Variants in SLC30A6 observed in about 807,000 individuals in gnomAD.
SLC30A6 encodes zinc transporter 6.
In SLC30A6, 55 loss-of-function variants were observed where a neutral mutation model predicts 63.0. The ratio of observed to expected loss-of-function variants is 0.87; its 90% CI spans 0.70 to 1.09. The LOEUF (loss-of-function observed/expected upper bound fraction) is 1.09. SLC30A6 is among the 50% of genes least tolerant of loss of function. SLC30A6 has a pLI of 0.00. For missense variants in SLC30A6, 587 were observed against 549.2 expected (o/e 1.07, Z -0.69); for synonymous variants, 224 against 186.1 (o/e 1.20, Z -1.66).
chr2:32,187,126 G>A (rs1682904514), intron 5 of SLC30A6: 1 of 469,630 alleles, frequency 2.1e-6, no homozygotes, highest in African/African-American at 2.0e-5. Flanking sequence ...GACCACTGAG[G>A]ACATTGTCAT....
chr2:32,202,613 G>T, intron 10 of SLC30A6: 1 of 480,232 alleles, frequency 2.1e-6, no homozygotes. Flanking sequence ...TTGCAGGCGT[G>T]AACCACTGTG....
At chr2:32,214,491 C>G (rs936571182) in intron 13 of SLC30A6, 2 of 152,056 alleles carry the variant, frequency 1.3e-5, no homozygotes, top group African/African-American at 4.8e-5. Flanking sequence ...TGCATGTCAT[C>G]TTTGCACAGA....
chr2:32,219,241 T>G (rs1685959604), intron 13 of SLC30A6, among the ~76,000 whole-genome samples: 1 of 150,384 alleles, frequency 6.6e-6, no homozygotes, highest in Non-Finnish European at 1.5e-5. Flanking sequence ...ACCATGTTGG[T>G]CAGGCTGGTC....
At chr2:32,187,415 TATAG>T (rs1345546139) in intron 5 of SLC30A6, 24 of 363,632 alleles carry the variant, frequency 6.6e-5, no homozygotes, top group Admixed American at 2.5e-4. Flanking sequence ...CATCAGTCTT[TATAG>T]ATCAGTTACT....
chr2:32,189,676 A>G (rs1327092538), intron 5 of SLC30A6, among the ~76,000 whole-genome samples: 1 of 129,442 alleles, frequency 7.7e-6, no homozygotes, highest in Admixed American at 9.5e-5. Flanking sequence ...TGGCATGATC[A>G]TAGCTCATTG....
At position 32,221,697 on chromosome 2, in the gene SLC30A6, T is replaced by C. The variant is rs1318983854; in HGVS notation, c.*984T>C. ...TTGAATTTTTAATTATCAAGATTTT[T>C]GTTAAAGTTTCTCTCCTTTAAAAAT... On this transcript the variant is annotated 3_prime_UTR_variant, in exon 14 of 14. Coordinates refer to ENST00000282587, the MANE Select transcript of SLC30A6 (RefSeq NM_017964.5). The C allele has an allele frequency of 6.6e-6, 1 of 152,216 alleles. No individual in the cohort carries two copies. Among genetic ancestry groups the C allele is most frequent in the Non-Finnish European group, 1.5e-5 (1 of 68,030 alleles). The allele number at this position is 152,216 out of a possible 1,614,324, so 9.4% of individuals were successfully genotyped here. A position where few individuals can be genotyped will look rare whatever the true frequency, so the allele number is the denominator to read the frequency against.
chr2:32,175,430 A>G, intron 4 of SLC30A6, 69 bp downstream of exon 4: 2 of 1,365,166 alleles, frequency 1.5e-6, no homozygotes, highest in Non-Finnish European at 2.0e-6. Flanking sequence ...GTATAGCCAT[A>G]CAATTCAGCA....
Position 32,196,069 on chromosome 2 carries a change from GT to G in SLC30A6, c.497-1272del, listed in dbSNP as rs1222054139. Among the ~76,000 whole-genome samples, 11 of 152,208 alleles carry G rather than the reference GT, an allele frequency of 7.2e-5. No individual in the cohort carries two copies. In the East Asian group the frequency reaches 1.9e-3, roughly 27 times the overall value. ...GTGGCTCACACCTGTAATCCCAGCA[GT>G]TTGGGAGACCAAGTCAGGCGGATCA... On this transcript the variant is annotated intron_variant, in intron 8 of 13. Coordinates refer to ENST00000282587, the MANE Select transcript of SLC30A6 (RefSeq NM_017964.5).
intron 1 of SLC30A6, among the ~76,000 whole-genome samples, chr2:32,166,442 T>C (rs1017251652): frequency 1.9e-4 from 29 of 152,238 alleles, no homozygotes; most frequent in African/African-American, 6.5e-4. Context: ...AAGGTGTTGG[T>C]AGGACATTTT....
chr2:32,216,108 G>A (rs1471491317), intron 13 of SLC30A6, among the ~76,000 whole-genome samples: 1 of 152,156 alleles, frequency 6.6e-6, no homozygotes, highest in Non-Finnish European at 1.5e-5. Flanking sequence ...TGGTAGTTCT[G>A]TTTTAAGTTC....
At position 32,222,818 on chromosome 2, in the gene SLC30A6, GA is replaced by G. The variant is rs1209576514; in HGVS notation, c.*2108del. ...CTAAATATGAATTAGGGTCATGCAT[GA>G]AATCTGAACTGCCGTGTCCTGAGTT... On this transcript the variant is annotated 3_prime_UTR_variant, in exon 14 of 14. Coordinates refer to ENST00000282587, the MANE Select transcript of SLC30A6 (RefSeq NM_017964.5). 1 of 152,248 alleles carries G rather than the reference GA, an allele frequency of 6.6e-6. No individual in the cohort carries two copies. Among genetic ancestry groups the G allele is most frequent in the Non-Finnish European group, 1.5e-5 (1 of 68,082 alleles). 9.4% of individuals were successfully genotyped at this position (152,248 alleles called of 1,614,324 possible). A position where few individuals can be genotyped will look rare whatever the true frequency, so the allele number is the denominator to read the frequency against.
At chr2:32,202,606 C>G (rs1684396120) in intron 10 of SLC30A6, 1 of 452,126 alleles carries the variant, frequency 2.2e-6, no homozygotes. Context: ...GCTGGGATTG[C>G]AGGCGTGAAC....
intron 1 of SLC30A6, among the ~76,000 whole-genome samples, chr2:32,169,379 A>T (rs886462841): frequency 6.6e-6 from 1 of 151,910 alleles, no homozygotes; most frequent in Non-Finnish European, 1.5e-5. Flanking sequence ...GTCTCAGTAT[A>T]TTTCCTAGGC....
chr2:32,219,428 C>G (rs1340966303), intron 13 of SLC30A6, among the ~76,000 whole-genome samples: 2 of 151,672 alleles, frequency 1.3e-5, no homozygotes, highest in African/African-American at 4.8e-5. Context: ...CCCTGAAATA[C>G]TTGGACTTCT....
rs748796904 is a variant in SLC30A6, at chr2:32,220,470, T to C, written c.1143T>C (p.Ser381=). ...NPVTSTPAKP[S]SPPPEFSFNT... is the part of the protein sequence containing the mutation. ...TTACATCAACTCCAGCTAAACCTAG[T>C]AGTCCACCTCCAGAATTTTCATTTA... The change falls in exon 14 of 14, where the codon AGT becomes AGC. Residue 381 remains serine, a synonymous_variant. Coordinates refer to ENST00000282587, the MANE Select transcript of SLC30A6 (RefSeq NM_017964.5). 1 of 1,614,234 alleles carries C rather than the reference T, an allele frequency of 6.2e-7. No individual in the cohort carries two copies. Among genetic ancestry groups the C allele is most frequent in the Non-Finnish European group, 8.5e-7 (1 of 1,180,042 alleles).
chr2:32,203,174 C>A, intron 10 of SLC30A6: 1 of 1,239,490 alleles, frequency 8.1e-7, no homozygotes, highest in Non-Finnish European at 1.2e-6. Flanking sequence ...CTGAAGTTGA[C>A]CTGGTGATTC....
intron 4 of SLC30A6, among the ~76,000 whole-genome samples, chr2:32,179,595 A>G (rs569627014): frequency 2.2e-4 from 33 of 152,302 alleles, no homozygotes; most frequent in African/African-American, 7.5e-4. Flanking sequence ...GAACCCACTT[A>G]TCTGTGTAAT....
chr2:32,182,769 T>A (rs1682444446), intron 4 of SLC30A6, among the ~76,000 whole-genome samples: 1 of 152,216 alleles, frequency 6.6e-6, no homozygotes, highest in Admixed American at 6.5e-5. Flanking sequence ...TGGAATGCCT[T>A]GGTTGCAGTT....
intron 10 of SLC30A6, among the ~76,000 whole-genome samples, chr2:32,200,834 G>GA (rs59434197): frequency 1.3e-5 from 2 of 149,242 alleles, no homozygotes; most frequent in South Asian, 4.2e-4. Context: ...GATCAATAAA[G>GA]AAAAAAATAA....
Sources: allele counts gnomAD v4.1 joint callset (sites outside exome capture counted in the v4.1 genomes callset), GRCh38; gene constraint gnomAD v4.1.1; transcripts MANE v1.5; gene names NCBI Gene and HGNC (gene_info 2026-07-23, HGNC 2026-07-21).